ADGB: variants seen among roughly 807,000 people sequenced by gnomAD.
ADGB encodes androglobin.
Under a neutral mutation model 210.5 loss-of-function variants are expected in ADGB, and 172 were observed. The ratio of observed to expected loss-of-function variants is 0.82; its 90% CI spans 0.72 to 0.93. The LOEUF (loss-of-function observed/expected upper bound fraction) is 0.93, where lower values mean the gene tolerates loss of function less well. Ranked by LOEUF, ADGB falls within the 40% of genes least tolerant of loss-of-function variation. The pLI, the probability that ADGB is intolerant of heterozygous loss-of-function variation, is 0.00. For missense variants in ADGB, 2,025 were observed against 1,964.8 expected, an observed-to-expected ratio of 1.03 and a Z score of -0.58; for synonymous variants, 658 against 662.7, an observed-to-expected ratio of 0.99 and a Z score of 0.11.
chr6:146,734,802 T>G (rs1777055218), intron 22 of ADGB, among the ~76,000 whole-genome samples: 1 of 152,048 alleles, frequency 6.6e-6, no homozygotes, highest in African/African-American at 2.4e-5. Flanking sequence ...CCCAGCTACT[T>G]GGAAGGCAGA....
In ADGB at chr6:146,672,308, A is replaced by C; in HGVS notation, c.928A>C (p.Ile310Leu). 1.2e-5 allele frequency: 18 copies of C among 1,551,476 alleles called. No homozygotes were observed. The highest frequency in any genetic ancestry group is 1.6e-5 in the Non-Finnish European group (18 of 1,146,856). The change falls in exon 8 of 36, where the codon ATA becomes CTA. Residue 310 changes from isoleucine to leucine, a missense_variant. Ile to Leu is a conservative substitution (Grantham distance 5). Transcript: ENST00000397944. ...AGATGAGGCCAGCTCTGAAAGCAAA[A>C]TAGCAGTGTTAGATTCTAAATTAAA... ...LSDEASSESK[I>L]AVLDSKLKEP...
chr6:146,798,652 T>C (rs1332056389), intron 33 of ADGB, among the ~76,000 whole-genome samples: 1 of 151,750 alleles, frequency 6.6e-6, no homozygotes, highest in Non-Finnish European at 1.5e-5. Context: ...AACACTCTCC[T>C]ATATGCTAAA....
intron 13 of ADGB, 32 bp downstream of exon 13, chr6:146,701,102 T>C (rs988168835): frequency 5.8e-6 from 9 of 1,543,818 alleles, no homozygotes; most frequent in East Asian, 2.5e-5. Flanking sequence ...TTGGCCCAAC[T>C]CTTAATGAGA....
At chr6:146,734,925 A>G (rs922274876) in intron 22 of ADGB, among the ~76,000 whole-genome samples, 3 of 152,118 alleles carry the variant, frequency 2.0e-5, no homozygotes, top group Non-Finnish European at 4.4e-5. Flanking sequence ...CAAAAAAACA[A>G]AAAACAAAAA....
chr6:146,704,128 T>A (rs115604751), intron 13 of ADGB, among the ~76,000 whole-genome samples: 1,522 of 152,084 alleles, frequency 0.01, 26 homozygotes, highest in African/African-American at 0.035. Flanking sequence ...AAATGCCTAT[T>A]CAGATTCTTC....
intron 28 of ADGB, 45 bp downstream of exon 28, chr6:146,764,145 A>G: frequency 6.9e-7 from 1 of 1,439,598 alleles, no homozygotes; most frequent in Non-Finnish European, 9.3e-7. Context: ...CTAAAACCCT[A>G]ACATAAAACA....
chr6:146,733,325 G>T (rs1328925461), intron 21 of ADGB, 70 bp downstream of exon 21: 4 of 1,359,634 alleles, frequency 2.9e-6, no homozygotes, highest in Non-Finnish European at 3.9e-6. Flanking sequence ...TTTAAGAAAT[G>T]TGTTTGTGGA....
At chr6:146,736,670 T>G in intron 23 of ADGB, 79 bp downstream of exon 23, 1 of 892,502 alleles carries the variant, frequency 1.1e-6, no homozygotes, top group Non-Finnish European at 1.7e-6. Context: ...CCATATTTGT[T>G]GAGAGCGCCC....
In ADGB at chr6:146,739,941, C is replaced by T. The variant is rs562404565; in HGVS notation, c.2889-518C>T. ...TAGTTTAGCAGTGTATGCTCTACTC[C>T]CTTATACACTCAGAAATCATGCAGG... On this transcript the variant is annotated intron_variant, in intron 23 of 35. Transcript: ENST00000397944. Among the ~76,000 whole-genome samples, 3 of 152,296 alleles carry T rather than the reference C, an allele frequency of 2.0e-5. No individual in the cohort carries two copies. In the East Asian group the frequency reaches 5.8e-4, roughly 29 times the overall value.
Position 146,784,430 on chromosome 6 carries a change from T to C in ADGB, c.4036-188T>C, listed in dbSNP as rs1188265454. Among the ~76,000 whole-genome samples the C allele has an allele frequency of 2.6e-5, 4 of 152,210 alleles. No homozygotes were observed. In the East Asian group the frequency reaches 5.8e-4, roughly 22 times the overall value. ...ATCCATTCCTCGATTGATAGACATA[T>C]ATGTTGGTTTTTTGTGTGTATTATG... On this transcript the variant is annotated intron_variant, in intron 30 of 35. Coordinates refer to ENST00000397944, the MANE Select transcript of ADGB (RefSeq NM_024694.4).
chr6:146,663,003 A>C (rs1775884503), intron 5 of ADGB, among the ~76,000 whole-genome samples: 1 of 145,582 alleles, frequency 6.9e-6, no homozygotes, highest in Non-Finnish European at 1.5e-5. Context: ...TCTTAATCTT[A>C]ATAATATATA....
At chr6:146,659,690 G>A (rs1026083760) in intron 5 of ADGB, among the ~76,000 whole-genome samples, 1 of 152,116 alleles carries the variant, frequency 6.6e-6, no homozygotes, top group African/African-American at 2.4e-5. Context: ...AATTTATTGA[G>A]TAGCATTAAG....
chr6:146,704,864 G>A (rs1294818742), intron 13 of ADGB, among the ~76,000 whole-genome samples: 4 of 151,974 alleles, frequency 2.6e-5, no homozygotes, highest in Non-Finnish European at 5.9e-5. Flanking sequence ...TGGCTAGTAT[G>A]TGAAAAATCT....
chr6:146,741,303 A>G, intron 25 of ADGB, 32 bp downstream of exon 25: 1 of 1,546,130 alleles, frequency 6.5e-7, no homozygotes, highest in Non-Finnish European at 8.7e-7. Context: ...CACATATGAT[A>G]GAATGGCAGT....
intron 3 of ADGB, among the ~76,000 whole-genome samples, chr6:146,649,663 C>A (rs1583574294): frequency 6.6e-6 from 1 of 151,774 alleles, no homozygotes; most frequent in African/African-American, 2.4e-5. Flanking sequence ...GATAATTTTT[C>A]TATTTTTTGT....
At chr6:146,768,945 C>G (rs1411513977) in intron 28 of ADGB, 75 bp from the exon 29 acceptor site, 1 of 726,920 alleles carries the variant, frequency 1.4e-6, no homozygotes, top group Admixed American at 2.4e-5. Context: ...TATCATGTAC[C>G]TAGCATAATA....
At chr6:146,800,404 T>C (rs990299133) in intron 33 of ADGB, among the ~76,000 whole-genome samples, 1 of 152,150 alleles carries the variant, frequency 6.6e-6, no homozygotes, top group African/African-American at 2.4e-5. Context: ...GAGATCTTAT[T>C]TGGATGATGA....
chr6:146,741,071 C>G (rs928854295), intron 24 of ADGB, 47 bp from the exon 25 acceptor site: 1 of 1,405,202 alleles, frequency 7.1e-7, no homozygotes, highest in Admixed American at 3.2e-5. Context: ...TTCAAACTTC[C>G]TTTAAGAATT....
chr6:146,679,298 C>A (rs73571879), intron 9 of ADGB, among the ~76,000 whole-genome samples: 6,416 of 152,214 alleles, frequency 0.042, 394 homozygotes, highest in African/African-American at 0.14. Flanking sequence ...ATGTTCAATA[C>A]GTACCAAGAG....
Sources: allele counts gnomAD v4.1 joint callset (sites outside exome capture counted in the v4.1 genomes callset), GRCh38; gene constraint gnomAD v4.1.1; transcripts MANE v1.5; gene names NCBI Gene and HGNC (gene_info 2026-07-23, HGNC 2026-07-21).